Variants in SHISA9 observed in about 807,000 individuals in gnomAD.
SHISA9 encodes the protein shisa family member 9.
A neutral mutation model predicts 38.0 loss-of-function variants in SHISA9; 13 were observed. That is an observed-to-expected ratio of 0.34 (90% confidence interval 0.22 to 0.54). The LOEUF (loss-of-function observed/expected upper bound fraction) is 0.54. Among genes scored for constraint, SHISA9 ranks in the 20% least tolerant of loss-of-function variants. SHISA9 has a pLI of 0.91. For synonymous variants in SHISA9, 275 were observed against 242.0 expected (o/e 1.14, Z -1.27); for missense variants, 538 against 575.8 (o/e 0.93, Z 0.67).
the SHISA9 span, among the ~76,000 whole-genome samples, chr16:13,290,945 T>C: frequency 3.0e-4 from 46 of 152,132 alleles, no homozygotes; most frequent in Non-Finnish European, 5.9e-4. Flanking sequence ...CTCTTTCCCA[T>C]TGTATCATAG....
chr16:12,927,793 C>G (rs932869738), intron 2 of SHISA9, among the ~76,000 whole-genome samples: 7 of 152,080 alleles, frequency 4.6e-5, no homozygotes, highest in Non-Finnish European at 1.0e-4. Flanking sequence ...GGTGCTGAAC[C>G]ACACCATGGA....
intron 2 of SHISA9, among the ~76,000 whole-genome samples, chr16:13,070,625 G>A (rs1440866846): frequency 6.6e-6 from 1 of 152,218 alleles, no homozygotes; most frequent in East Asian, 1.9e-4. Flanking sequence ...AGGAGGCCGG[G>A]AAGTGGGGGC....
At chr16:13,224,206 C>G (rs1248526347) in intron 4 of SHISA9, among the ~76,000 whole-genome samples, 3 of 152,206 alleles carry the variant, frequency 2.0e-5, no homozygotes, top group African/African-American at 7.2e-5. Flanking sequence ...GTCCCTGTCT[C>G]TACTCAGACT....
rs866170474 is a variant in SHISA9 at position 13,019,434 on chromosome 16, C to T, written c.691+102619C>T. On this transcript the variant is annotated intron_variant, in intron 2 of 4. Transcript: ENST00000558583. ...ACTATGTCCTCATGTGGCCTTTCCTCAGTGGGAGAGCTCTCTGGCGTCTCT... is the reference window on the plus strand; with the variant it reads ...ACTATGTCCTCATGTGGCCTTTCCTTAGTGGGAGAGCTCTCTGGCGTCTCT... Among the ~76,000 whole-genome samples the T allele has an allele frequency of 1.1e-4, 17 of 152,074 alleles. No individual in the cohort carries two copies. In the South Asian group the frequency reaches 1.5e-3, roughly 13 times the overall value.
chr16:12,928,028 T>C (rs2071415200), intron 2 of SHISA9, among the ~76,000 whole-genome samples: 1 of 152,198 alleles, frequency 6.6e-6, no homozygotes, highest in Admixed American at 6.5e-5. Context: ...TTAAAAACAA[T>C]TGCTTTCATT....
At chr16:13,012,141 T>C (rs72782701) in intron 2 of SHISA9, among the ~76,000 whole-genome samples, 30,430 of 152,096 alleles carry the variant, frequency 0.2, 4,073 homozygotes, top group Middle Eastern at 0.32. Flanking sequence ...TTTTTTCTTA[T>C]TTTTTAAGGT....
intron 2 of SHISA9, among the ~76,000 whole-genome samples, chr16:13,037,897 C>A (rs2141884836): frequency 6.6e-6 from 1 of 152,326 alleles, no homozygotes; most frequent in South Asian, 2.1e-4. Context: ...CAGTTTCTTT[C>A]CTTGCTTTTG....
intron 2 of SHISA9, among the ~76,000 whole-genome samples, chr16:13,076,062 G>T (rs1002623737): frequency 7.0e-6 from 1 of 142,672 alleles, no homozygotes; most frequent in Non-Finnish European, 1.5e-5. Context: ...ATGCAGTCTC[G>T]CTCTGTCACC....
chr16:13,347,224 A>G, the SHISA9 span, among the ~76,000 whole-genome samples: 1 of 152,228 alleles, frequency 6.6e-6, no homozygotes, highest in Admixed American at 6.5e-5. Flanking sequence ...GCACGGGGTC[A>G]GGTATAGTAT....
At chr16:12,935,059 CT>C (rs759097636) in intron 2 of SHISA9, among the ~76,000 whole-genome samples, 66 of 152,270 alleles carry the variant, frequency 4.3e-4, no homozygotes, top group Non-Finnish European at 8.2e-4. Flanking sequence ...GATTCTTAAA[CT>C]TGACGGTCTG....
At chr16:13,532,553 GTGTA>G in the SHISA9 span, among the ~76,000 whole-genome samples, 15 of 74,182 alleles carry the variant, frequency 2.0e-4, no homozygotes, top group African/African-American at 5.4e-4. Context: ...ATGTGCGTGT[GTGTA>G]TGTGTGTGTG....
chr16:13,037,381 C>T (rs1345169541), intron 2 of SHISA9, among the ~76,000 whole-genome samples: 8 of 151,648 alleles, frequency 5.3e-5, no homozygotes, highest in Admixed American at 4.6e-4. Context: ...TCTCGGTTCT[C>T]ATACTATAGA....
chr16:13,454,241 G>A, the SHISA9 span, among the ~76,000 whole-genome samples: 3 of 152,092 alleles, frequency 2.0e-5, no homozygotes, highest in East Asian at 3.8e-4. Flanking sequence ...GGTTTGTTTC[G>A]GAACATGAAG....
the SHISA9 span, among the ~76,000 whole-genome samples, chr16:13,452,006 C>T: frequency 6.6e-6 from 1 of 152,162 alleles, no homozygotes; most frequent in Non-Finnish European, 1.5e-5. Flanking sequence ...TGAAGGGACC[C>T]TTTGTTTCAT....
At chr16:13,299,725 C>CA in the SHISA9 span, among the ~76,000 whole-genome samples, 16 of 139,730 alleles carry the variant, frequency 1.1e-4, no homozygotes, top group South Asian at 2.3e-4. Context: ...AAAAAAAAAA[C>CA]AAAAAAAACC....
the SHISA9 span, among the ~76,000 whole-genome samples, chr16:13,386,811 T>C: frequency 6.6e-6 from 1 of 152,238 alleles, no homozygotes; most frequent in African/African-American, 2.4e-5. Context: ...TTTAATTACT[T>C]TGTAATTGCT....
At chr16:12,947,768 G>T (rs555532412) in intron 2 of SHISA9, among the ~76,000 whole-genome samples, 2 of 152,306 alleles carry the variant, frequency 1.3e-5, no homozygotes, top group African/African-American at 4.8e-5. Context: ...GAAGGTATCA[G>T]TGTATAGCTG....
intron 2 of SHISA9, among the ~76,000 whole-genome samples, chr16:12,941,576 A>G (rs780054931): frequency 2.6e-5 from 4 of 152,180 alleles, no homozygotes; most frequent in Non-Finnish European, 5.9e-5. Context: ...TTAAAACTGT[A>G]CAATTAAATT....
At chr16:13,561,991 T>TACAGAAGCAA in the SHISA9 span, among the ~76,000 whole-genome samples, 4 of 152,366 alleles carry the variant, frequency 2.6e-5, no homozygotes, top group African/African-American at 9.6e-5. Context: ...TGTCTCTTTT[T>TACAGAAGCAA]AACTCCTGGT....
Sources: allele counts gnomAD v4.1 joint callset (sites outside exome capture counted in the v4.1 genomes callset), GRCh38; gene constraint gnomAD v4.1.1; transcripts MANE v1.5; gene names NCBI Gene and HGNC (gene_info 2026-07-23, HGNC 2026-07-21).